Variants in VWA3B observed in about 807,000 individuals in gnomAD.
The protein encoded by VWA3B is von Willebrand factor A domain-containing protein 3B.
A neutral mutation model predicts 158.3 loss-of-function variants in VWA3B; 138 were observed. The observed-to-expected ratio is 0.87, with a 90% CI of 0.76 to 1.00. The LOEUF is 1.00. Ranked by LOEUF, VWA3B falls within the 50% of genes least tolerant of loss-of-function variation. The pLI, the probability that VWA3B is intolerant of heterozygous loss-of-function variation, is 0.00. For synonymous variants in VWA3B, 596 were observed against 587.3 expected (o/e 1.01, Z -0.21); for missense variants, 1,555 against 1,565.1 (o/e 0.99, Z 0.11).
chr2:98,325,851 A>G, the VWA3B span, among the ~76,000 whole-genome samples: 1 of 152,226 alleles, frequency 6.6e-6, no homozygotes, highest in Non-Finnish European at 1.5e-5. Flanking sequence ...TATCTCAACC[A>G]TCTTGACCTG....
the VWA3B span, among the ~76,000 whole-genome samples, chr2:98,329,782 G>A: frequency 3.9e-5 from 6 of 152,216 alleles, no homozygotes; most frequent in Non-Finnish European, 7.4e-5. Context: ...TCAATCAGTC[G>A]AAAGGCCTTA....
At chr2:98,107,837 A>G (rs1298729665) in intron 2 of VWA3B, among the ~76,000 whole-genome samples, 1 of 150,736 alleles carries the variant, frequency 6.6e-6, no homozygotes, top group Non-Finnish European at 1.5e-5. Context: ...GGTTTTCTCT[A>G]TTGTTTTTCT....
chr2:98,225,262 T>A (rs1684832310), intron 14 of VWA3B, among the ~76,000 whole-genome samples: 1 of 152,248 alleles, frequency 6.6e-6, no homozygotes, highest in Non-Finnish European at 1.5e-5. Context: ...GAAATATTTG[T>A]TCATTTGTTT....
At chr2:98,185,575 C>T (rs1680970997) in intron 9 of VWA3B, among the ~76,000 whole-genome samples, 2 of 152,218 alleles carry the variant, frequency 1.3e-5, no homozygotes, top group South Asian at 2.1e-4. Flanking sequence ...TAGCACCTTC[C>T]GCTCCACGCT....
chr2:98,181,357 T>G, intron 9 of VWA3B, 145 bp downstream of exon 9: 1 of 843,004 alleles, frequency 1.2e-6, no homozygotes, highest in Non-Finnish European at 1.8e-6. Context: ...GTTCCTCTGT[T>G]TCCCTCCTCA....
rs1186036910 is a variant in VWA3B, at chr2:98,125,244, C to A, written c.703-2995C>A. Among the ~76,000 whole-genome samples the A allele has an allele frequency of 6.6e-6, 1 of 152,194 alleles. No individual in the cohort carries two copies. The highest frequency in any genetic ancestry group is 1.5e-5 in the Non-Finnish European group (1 of 68,014). On this transcript the variant is annotated intron_variant, in intron 5 of 27. Transcript: ENST00000477737. This position sits in a 1 kb window ranked among gnomAD's most constrained non-coding sequence, Gnocchi z 4.1. ...GGTATCTGGGGTAGGAGCCTGAACCCTTGGATGGTGGGGTAACCACAGAAG... is the reference window on the plus strand; with the variant it reads ...GGTATCTGGGGTAGGAGCCTGAACCATTGGATGGTGGGGTAACCACAGAAG...
chr2:98,208,379 TTAAG>T (rs1390439229), intron 12 of VWA3B, among the ~76,000 whole-genome samples: 1 of 152,140 alleles, frequency 6.6e-6, no homozygotes, highest in Non-Finnish European at 1.5e-5. Context: ...TATTTAAGGA[TTAAG>T]TGTCTCATTT....
At chr2:98,106,084 T>A (rs2104879164) in intron 2 of VWA3B, among the ~76,000 whole-genome samples, 2 of 152,056 alleles carry the variant, frequency 1.3e-5, no homozygotes, top group Middle Eastern at 6.8e-3. Context: ...CCCGGCTAAT[T>A]TTTTGCATTT....
intron 17 of VWA3B, among the ~76,000 whole-genome samples, chr2:98,235,706 G>A (rs917450218): frequency 6.6e-6 from 1 of 152,082 alleles, no homozygotes; most frequent in Non-Finnish European, 1.5e-5. Context: ...GATTTTGGCC[G>A]GGCACAGTGG....
chr2:98,115,463 C>A (rs906640173), intron 2 of VWA3B, among the ~76,000 whole-genome samples, 189 bp from the exon 3 acceptor site: 3 of 152,054 alleles, frequency 2.0e-5, no homozygotes, highest in Non-Finnish European at 2.9e-5. Context: ...TATTACAATG[C>A]CATAGACAGT....
the VWA3B span, among the ~76,000 whole-genome samples, chr2:98,322,980 C>CCACA: frequency 1.3e-5 from 2 of 151,342 alleles, no homozygotes; most frequent in African/African-American, 4.9e-5. Flanking sequence ...CGAAAAACAA[C>CCACA]CACACACACA....
chr2:98,231,101 G>A (rs906441633), intron 16 of VWA3B, among the ~76,000 whole-genome samples: 1 of 152,194 alleles, frequency 6.6e-6, no homozygotes, highest in African/African-American at 2.4e-5. Context: ...TCTGTTTGCT[G>A]AAAATTATAA....
Position 98,214,322 on chromosome 2 carries a change from C to T in VWA3B, c.1836+2294C>T, listed in dbSNP as rs1224138344. 2.0e-5 allele frequency among the ~76,000 whole-genome samples: 3 copies of T among 151,852 alleles called. No individual in the cohort carries two copies. The East Asian group carries it at 5.8e-4, about 29-fold the overall frequency. ...TATCACATGCATTGTTCCAAGTCATCAAAAATTCTTCAGGAGCATCCTTCT... is the reference window on the plus strand; with the variant it reads ...TATCACATGCATTGTTCCAAGTCATTAAAAATTCTTCAGGAGCATCCTTCT... On this transcript the variant is annotated intron_variant, in intron 13 of 27. Coordinates refer to ENST00000477737, the MANE Select transcript of VWA3B (RefSeq NM_144992.5).
rs144412648 is a variant in VWA3B, at chr2:98,225,123, G to A, written c.2020-3079G>A. Among the ~76,000 whole-genome samples the A allele has an allele frequency of 2.6e-3, 396 of 152,216 alleles. 1 individual carries two copies. The highest frequency in any genetic ancestry group is 8.8e-3 in the African/African-American group (367 of 41,542). On this transcript the variant is annotated intron_variant, in intron 14 of 27. Transcript: ENST00000477737. The stretch of plus-strand genomic sequence containing the variant: ...GCTAATTTGTATTTTTAATAGAGAC[G>A]GGGTTTCCCCATGTTGGCCAGGCTG...
chr2:98,208,877 G>C (rs994540374), intron 12 of VWA3B, among the ~76,000 whole-genome samples: 1 of 151,306 alleles, frequency 6.6e-6, no homozygotes, highest in Non-Finnish European at 1.5e-5. Flanking sequence ...TTCTTTTCTC[G>C]TTCTCTTTCT....
chr2:98,283,030 C>T (rs1259913251), intron 22 of VWA3B, among the ~76,000 whole-genome samples: 1 of 152,172 alleles, frequency 6.6e-6, no homozygotes, highest in Non-Finnish European at 1.5e-5. Flanking sequence ...AGGCAACTCA[C>T]CTCCCAGATT....
rs776168398 is a variant in VWA3B, at chr2:98,181,004, G to A, written c.1115-12G>A. 8 of 1,613,132 alleles carry A rather than the reference G, an allele frequency of 5.0e-6. No individual in the cohort carries two copies. Among genetic ancestry groups the A allele is most frequent in the Non-Finnish European group, 6.8e-6 (8 of 1,179,346 alleles). ...ATGCAGTATGAATGGCTGACAAGCT[G>A]TGATTCTACAGAGTCAGAAACAACC... On this transcript the variant is annotated splice_polypyrimidine_tract_variant and intron_variant, in intron 8 of 27. Transcript: ENST00000477737.
At chr2:98,172,030 C>A (rs1478333175) in intron 8 of VWA3B, among the ~76,000 whole-genome samples, 1 of 152,238 alleles carries the variant, frequency 6.6e-6, no homozygotes, top group South Asian at 2.1e-4. Flanking sequence ...ACAGCTCCTG[C>A]AGCCCCAATG....
intron 14 of VWA3B, among the ~76,000 whole-genome samples, chr2:98,222,660 C>T (rs1369433309): frequency 6.6e-6 from 1 of 152,162 alleles, no homozygotes; most frequent in Non-Finnish European, 1.5e-5. Context: ...CCAAGAGACA[C>T]CTGGAAGCCT....
Sources: allele counts gnomAD v4.1 joint callset (sites outside exome capture counted in the v4.1 genomes callset), GRCh38; gene constraint gnomAD v4.1.1; non-coding constraint Gnocchi (gnomAD v3.1); transcripts MANE v1.5; gene names NCBI Gene and HGNC (gene_info 2026-07-23, HGNC 2026-07-21).